Variants in ARFGEF1 observed in about 807,000 individuals in gnomAD.
ARFGEF1 encodes the protein brefeldin A-inhibited guanine nucleotide-exchange protein 1.
Under a neutral mutation model 231.0 loss-of-function variants are expected in ARFGEF1, and 42 were observed. That is an observed-to-expected ratio of 0.18 (90% CI 0.14 to 0.24). The LOEUF is 0.24. ARFGEF1 is among the 10% of genes least tolerant of loss of function. The pLI is 1.00. For missense variants in ARFGEF1, 1,345 were observed against 2,192.0 expected, an observed-to-expected ratio of 0.61 and a Z score of 7.72; for synonymous variants, 710 against 732.3, an observed-to-expected ratio of 0.97 and a Z score of 0.49.
chr8:67,208,902 ACTT>A (rs1838619975), intron 34 of ARFGEF1, among the ~76,000 whole-genome samples: 1 of 152,218 alleles, frequency 6.6e-6, no homozygotes, highest in Non-Finnish European at 1.5e-5. Flanking sequence ...AATGAGGTAA[ACTT>A]CTCACCCACT....
intron 2 of ARFGEF1, among the ~76,000 whole-genome samples, chr8:67,301,892 T>A (rs138356128): frequency 6.6e-6 from 1 of 152,224 alleles, no homozygotes; most frequent in East Asian, 1.9e-4. Context: ...CTTATTTATA[T>A]GAGAATCTTT....
chr8:67,197,932 ATT>A lies in ARFGEF1; in HGVS notation c.*1000_*1001del, dbSNP rs1838147842. ...ATCTAACCTCCGCAAACCATGCCAG[ATT>A]TGTTATTTTAATATATTCAACGTTA... is the stretch of plus-strand genomic sequence containing the variant. On this transcript the variant is annotated 3_prime_UTR_variant, in exon 39 of 39. Transcript: ENST00000262215. The A allele has an allele frequency of 1.0e-6, 1 of 985,860 alleles. No homozygotes were observed. 61.1% of individuals were successfully genotyped at this position (985,860 alleles called of 1,614,324 possible).
At chr8:67,215,163 G>A (rs879767580) in intron 33 of ARFGEF1, among the ~76,000 whole-genome samples, 4 of 152,130 alleles carry the variant, frequency 2.6e-5, no homozygotes, top group South Asian at 4.1e-4. Context: ...AGATGGAGAC[G>A]AATTCTGCCC....
chr8:67,193,231 G>A (rs368997889), downstream of ARFGEF1, among the ~76,000 whole-genome samples: 3 of 151,888 alleles, frequency 2.0e-5, no homozygotes, highest in African/African-American at 4.8e-5. Context: ...CCAAGTAGCC[G>A]GGGACTACAG....
chr8:67,250,198 A>C (rs1840235965), intron 19 of ARFGEF1, among the ~76,000 whole-genome samples: 1 of 152,172 alleles, frequency 6.6e-6, no homozygotes, highest in Non-Finnish European at 1.5e-5. Flanking sequence ...GCTTCAAGTA[A>C]GAAGCTGGCA....
At chr8:67,177,821 A>G in intron 5 of ARFGEF1, 1 of 876,850 alleles carries the variant, frequency 1.1e-6, no homozygotes, top group Admixed American at 1.7e-5. Flanking sequence ...TGAATTATTC[A>G]GGAATATTGA....
At chr8:67,282,516 T>G (rs138669784) in intron 7 of ARFGEF1, among the ~76,000 whole-genome samples, 2 of 152,156 alleles carry the variant, frequency 1.3e-5, no homozygotes, top group Admixed American at 1.3e-4. Flanking sequence ...AAAAAGATAA[T>G]CTTAAAAATT....
intron 16 of ARFGEF1, 84 bp from the exon 17 acceptor site, chr8:67,257,900 CTT>C (rs912570763): frequency 6.4e-5 from 81 of 1,274,932 alleles, no homozygotes; most frequent in Admixed American, 2.0e-4. Context: ...TCCCATAGCA[CTT>C]TTATTTCTCT....
At chr8:67,251,271 C>A (rs1043520073) in intron 19 of ARFGEF1, 28 bp downstream of exon 19, 5 of 1,563,372 alleles carry the variant, frequency 3.2e-6, no homozygotes, top group Non-Finnish European at 4.3e-6. Flanking sequence ...ATGTACACTG[C>A]AATCAAACAT....
At chr8:67,327,545 C>T (rs1052876263) in intron 1 of ARFGEF1, among the ~76,000 whole-genome samples, 4 of 152,138 alleles carry the variant, frequency 2.6e-5, no homozygotes, top group African/African-American at 9.7e-5. Flanking sequence ...GTCTCAAACT[C>T]CTGACTTCAG....
At chr8:67,291,371 C>A (rs1411570753) in intron 6 of ARFGEF1, among the ~76,000 whole-genome samples, 1 of 151,120 alleles carries the variant, frequency 6.6e-6, no homozygotes, top group Non-Finnish European at 1.5e-5. Flanking sequence ...ATGAAAATTT[C>A]TATCAGTTGG....
downstream of ARFGEF1, chr8:67,195,266 A>G (rs1448298086): frequency 1.3e-6 from 1 of 758,098 alleles, no homozygotes; most frequent in Non-Finnish European, 2.4e-6. Flanking sequence ...AGAGTTCAGG[A>G]TATGAGACTG....
At position 67,211,368 on chromosome 8, in the gene ARFGEF1, A is replaced by G. The variant is rs867418484; in HGVS notation, c.4819+115T>C. On this transcript the variant is annotated intron_variant, in intron 34 of 38. Coordinates refer to ENST00000262215, the MANE Select transcript of ARFGEF1 (RefSeq NM_006421.5). ...CTCAAAAAAAAAAAAAAAAAAAAGA[A>G]GTGATGACACAATCAATTATAGTAT... 5.0e-6 allele frequency: 3 copies of G among 597,044 alleles called. No homozygotes were observed. In the African/African-American group the frequency reaches 6.1e-5, roughly 12 times the overall value. 37.0% of individuals were successfully genotyped at this position (597,044 alleles called of 1,614,324 possible).
At chr8:67,298,852 G>T (rs1163022224) in intron 4 of ARFGEF1, among the ~76,000 whole-genome samples, 1 of 152,070 alleles carries the variant, frequency 6.6e-6, no homozygotes, top group Non-Finnish European at 1.5e-5. Flanking sequence ...TGCAACCTCC[G>T]CCTCCCAGGT....
chr8:67,214,929 A>C (rs951658509), intron 33 of ARFGEF1, among the ~76,000 whole-genome samples: 2 of 152,046 alleles, frequency 1.3e-5, no homozygotes, highest in African/African-American at 4.8e-5. Flanking sequence ...AGGCCCGAAG[A>C]AGCCAGCCAT....
chr8:67,262,440 C>T (rs1804671644), intron 14 of ARFGEF1, among the ~76,000 whole-genome samples: 1 of 152,180 alleles, frequency 6.6e-6, no homozygotes, highest in South Asian at 2.1e-4. Context: ...GGTTAAGATG[C>T]TGTGAACACT....
At chr8:67,192,061 GATTT>G (rs1836416138) in intron 5 of ARFGEF1, among the ~76,000 whole-genome samples, 1 of 145,802 alleles carries the variant, frequency 6.9e-6, no homozygotes, top group African/African-American at 2.5e-5. Flanking sequence ...ATCCTTTGCT[GATTT>G]GTTTTTTTTT....
At chr8:67,182,221 G>A (rs543472923) in intron 5 of ARFGEF1, among the ~76,000 whole-genome samples, 5 of 152,118 alleles carry the variant, frequency 3.3e-5, no homozygotes, top group South Asian at 4.2e-4. Context: ...CAGGTTGGTC[G>A]CGAACTCTTG....
At chr8:67,294,116 A>G (rs924301537) in intron 5 of ARFGEF1, among the ~76,000 whole-genome samples, 14 of 152,102 alleles carry the variant, frequency 9.2e-5, no homozygotes, top group Non-Finnish European at 1.8e-4. Flanking sequence ...TATAACAACT[A>G]TTTACAAAGT....
Sources: allele counts gnomAD v4.1 joint callset (sites outside exome capture counted in the v4.1 genomes callset), GRCh38; gene constraint gnomAD v4.1.1; transcripts MANE v1.5; gene names NCBI Gene and HGNC (gene_info 2026-07-23, HGNC 2026-07-21).